METTL15: variants seen among roughly 807,000 people sequenced by gnomAD.
METTL15 encodes 12S rRNA N(4)-cytidine methyltransferase METTL15.
METTL15 carries 34 observed loss-of-function variants against 38.3 expected under a neutral mutation model. The observed-to-expected ratio is 0.89, with a 90% confidence interval of 0.68 to 1.18. The LOEUF is 1.18. Among genes scored for constraint, METTL15 ranks in the 50% most tolerant of loss-of-function variants. METTL15 has a pLI of 0.00. For missense variants in METTL15, 438 were observed against 498.4 expected, an observed-to-expected ratio of 0.88 and a Z score of 1.15; for synonymous variants, 162 against 170.9, an observed-to-expected ratio of 0.95 and a Z score of 0.41.
intron 5 of METTL15, among the ~76,000 whole-genome samples, chr11:28,384,052 C>T (rs762664488): frequency 6.6e-6 from 1 of 152,032 alleles, no homozygotes; most frequent in Non-Finnish European, 1.5e-5. Flanking sequence ...TAAGTGAGAA[C>T]ATGTGTTATT....
In METTL15 at chr11:28,129,492, C is replaced by A. The variant is rs1317353448; in HGVS notation, c.270+15888C>A. On this transcript the variant is annotated intron_variant, in intron 3 of 6. Transcript: ENST00000407364. ...TGGCACGATCTTGGCTCACTGCAAC[C>A]TCCTCCTCCCAGGTTCAAGAGATTC... is the stretch of plus-strand genomic sequence containing the variant. 2.6e-5 allele frequency among the ~76,000 whole-genome samples: 4 copies of A among 151,982 alleles called. No individual in the cohort carries two copies. In the South Asian group the frequency reaches 6.2e-4, roughly 24 times the overall value.
intron 6 of METTL15, among the ~76,000 whole-genome samples, chr11:28,469,620 A>G (rs1327384283): frequency 6.6e-6 from 1 of 152,174 alleles, no homozygotes; most frequent in East Asian, 1.9e-4. Flanking sequence ...AAAATGGGGT[A>G]ATAATGATAA....
At chr11:28,160,912 C>T (rs1590838739) in intron 3 of METTL15, among the ~76,000 whole-genome samples, 1 of 152,132 alleles carries the variant, frequency 6.6e-6, no homozygotes, top group African/African-American at 2.4e-5. Flanking sequence ...TTAGACCCAA[C>T]ATCCTTTTTT....
rs180915676 is a variant in METTL15, at chr11:28,481,504, G to A, written c.*425-44974G>A. On this transcript the variant is annotated intron_variant and NMD_transcript_variant, in intron 6 of 7. Coordinates refer to the METTL15 transcript ENST00000532947. Reference sequence around the variant, plus strand: ...GGCACACTGAACGTCCCTGCAAAGGGATTCAGTCTCCATCTCTGGGTTTGG... The same window carrying A: ...GGCACACTGAACGTCCCTGCAAAGGAATTCAGTCTCCATCTCTGGGTTTGG... Among the ~76,000 whole-genome samples the A allele has an allele frequency of 7.1e-4, 108 of 152,318 alleles. 2 individuals carry two copies. In the Middle Eastern group the frequency reaches 0.027, roughly 38 times the overall value.
chr11:28,396,321 A>G (rs1347756326), intron 5 of METTL15, among the ~76,000 whole-genome samples: 4 of 152,200 alleles, frequency 2.6e-5, no homozygotes, highest in African/African-American at 9.6e-5. Flanking sequence ...TTTGCAGATG[A>G]CATAATTGTA....
At chr11:28,391,608 A>G (rs1168270067) in intron 5 of METTL15, among the ~76,000 whole-genome samples, 1 of 152,212 alleles carries the variant, frequency 6.6e-6, no homozygotes, top group African/African-American at 2.4e-5. Context: ...TACTGGTACC[A>G]AAACAGAGAT....
chr11:28,356,272 C>T (rs138957052), intron 4 of METTL15, among the ~76,000 whole-genome samples: 73 of 152,244 alleles, frequency 4.8e-4, no homozygotes, highest in African/African-American at 1.6e-3. Context: ...TCGGTCTCCT[C>T]CCACTGGATT....
chr11:28,179,660 C>T (rs1025481349), intron 3 of METTL15, among the ~76,000 whole-genome samples: 1 of 151,624 alleles, frequency 6.6e-6, no homozygotes, highest in Non-Finnish European at 1.5e-5. Context: ...TTTATTTGTC[C>T]ATTCTCCTGT....
At chr11:28,415,861 T>G (rs2133416615) in intron 5 of METTL15, among the ~76,000 whole-genome samples, 1 of 152,266 alleles carries the variant, frequency 6.6e-6, no homozygotes, top group East Asian at 1.9e-4. Flanking sequence ...AGGGGTTTAT[T>G]ATAGGATACA....
chr11:28,518,158 G>A (rs543419014), intron 6 of METTL15, among the ~76,000 whole-genome samples: 66 of 152,228 alleles, frequency 4.3e-4, no homozygotes, highest in Admixed American at 7.2e-4. Flanking sequence ...CAGATTGCAG[G>A]AGAAAGGTTT....
At chr11:28,491,765 T>C (rs1447913407) in intron 6 of METTL15, among the ~76,000 whole-genome samples, 1 of 152,114 alleles carries the variant, frequency 6.6e-6, no homozygotes, top group Non-Finnish European at 1.5e-5. Context: ...AGACAACAAA[T>C]ACCTTTTAAA....
intron 6 of METTL15, among the ~76,000 whole-genome samples, chr11:28,489,451 A>G (rs1218768336): frequency 6.6e-6 from 1 of 152,148 alleles, no homozygotes; most frequent in Non-Finnish European, 1.5e-5. Context: ...ATGTCAACCA[A>G]ATATAGTGCT....
chr11:28,397,963 T>A (rs1850589178), intron 5 of METTL15, among the ~76,000 whole-genome samples: 1 of 152,044 alleles, frequency 6.6e-6, no homozygotes, highest in African/African-American at 2.4e-5. Context: ...CTTGAAACCA[T>A]CATTCTCAGC....
intron 4 of METTL15, among the ~76,000 whole-genome samples, chr11:28,251,585 G>T (rs1590219232): frequency 6.6e-6 from 1 of 152,122 alleles, no homozygotes; most frequent in South Asian, 2.1e-4. Context: ...ATACTAGGTA[G>T]TATCAAGTGC....
intron 5 of METTL15, among the ~76,000 whole-genome samples, chr11:28,369,504 C>T (rs1850222109): frequency 6.6e-6 from 1 of 151,990 alleles, no homozygotes; most frequent in Non-Finnish European, 1.5e-5. Flanking sequence ...ACATTATAAT[C>T]AAACCGTCCA....
At chr11:28,441,921 G>A (rs981536315) in intron 6 of METTL15, among the ~76,000 whole-genome samples, 3 of 152,126 alleles carry the variant, frequency 2.0e-5, no homozygotes, top group African/African-American at 7.2e-5. Context: ...TTCAAACATA[G>A]CTTATGGAGT....
chr11:28,340,910 T>A (rs1849945929), intron 3 of METTL15, among the ~76,000 whole-genome samples: 1 of 152,104 alleles, frequency 6.6e-6, no homozygotes, highest in South Asian at 2.1e-4. Context: ...AGCAAAGACT[T>A]AAAACCAACC....
chr11:28,463,600 G>A (rs1851233478), intron 6 of METTL15, among the ~76,000 whole-genome samples: 1 of 152,216 alleles, frequency 6.6e-6, no homozygotes. Context: ...AAACTGCATA[G>A]CATGAGGAAA....
chr11:28,162,403 A>C (rs1208457702), intron 3 of METTL15, among the ~76,000 whole-genome samples: 1 of 152,174 alleles, frequency 6.6e-6, no homozygotes, highest in East Asian at 1.9e-4. Context: ...GATGATTAGT[A>C]ACTTTTTGGT....
Sources: allele counts gnomAD v4.1 joint callset (sites outside exome capture counted in the v4.1 genomes callset), GRCh38; gene constraint gnomAD v4.1.1; transcripts MANE v1.5; gene names NCBI Gene and HGNC (gene_info 2026-07-23, HGNC 2026-07-21).